NRF1: variants seen among roughly 807,000 people sequenced by gnomAD.
The protein encoded by NRF1 is nuclear respiratory factor 1, also known as alpha palindromic-binding protein.
A neutral mutation model predicts 58.5 loss-of-function variants in NRF1; 5 were observed. The ratio of observed to expected loss-of-function variants is 0.09; its 90% CI spans 0.04 to 0.18. NRF1 has a LOEUF of 0.18. NRF1 is among the 10% of genes least tolerant of loss of function. The pLI, the probability that NRF1 is intolerant of heterozygous loss-of-function variation, is 1.00. For synonymous variants in NRF1, 224 were observed against 246.7 expected (o/e 0.91, Z 0.86); for missense variants, 288 against 657.7 (o/e 0.44, Z 6.15).
chr7:129,674,814 T>G (rs1446320475), intron 3 of NRF1, among the ~76,000 whole-genome samples: 1 of 152,212 alleles, frequency 6.6e-6, no homozygotes, highest in Non-Finnish European at 1.5e-5. Context: ...TGGTTGACGG[T>G]CTTGCCTCGA....
intron 5 of NRF1, among the ~76,000 whole-genome samples, chr7:129,692,218 C>T (rs1047504699): frequency 6.6e-6 from 1 of 152,186 alleles, no homozygotes; most frequent in African/African-American, 2.4e-5. Context: ...ATAGCCTATC[C>T]ACTGTGGTCT....
At chr7:129,677,201 C>T (rs919409988) in intron 3 of NRF1, among the ~76,000 whole-genome samples, 10 of 151,778 alleles carry the variant, frequency 6.6e-5, no homozygotes, top group African/African-American at 9.7e-5. Context: ...TTAGTAGAGA[C>T]GGGTTTTACA....
rs1288383017 is a variant in NRF1 at position 129,739,537 on chromosome 7, C to CT, written c.1348+12176dup. Reference sequence around the variant, plus strand: ...TCAGCTCATAAACAGCATGGCTTTGCTTTTAAAAAAAAAAAAAAAATCTAC... The same window carrying CT: ...TCAGCTCATAAACAGCATGGCTTTGCTTTTTAAAAAAAAAAAAAAAATCTAC... On this transcript the variant is annotated intron_variant, in intron 10 of 10. Coordinates refer to ENST00000393232, the MANE Select transcript of NRF1 (RefSeq NM_005011.5). Among the ~76,000 whole-genome samples the CT allele has an allele frequency of 2.5e-4, 33 of 131,068 alleles. No individual in the cohort carries two copies. The East Asian group carries it at 3.5e-3, about 14-fold the overall frequency. The allele number at this position is 131,068 out of a possible 152,430, so 86.0% of individuals were successfully genotyped here. A position where few individuals can be genotyped will look rare whatever the true frequency, so the allele number is the denominator to read the frequency against.
rs1476989689 is a variant in NRF1 at position 129,673,610 on chromosome 7, G to A, written c.338+2067G>A. ...CGGGCGCCTGTAGTCCCAGCTACTC[G>A]GGAGGCTGAGGCAGGAGAATGGCGT... On this transcript the variant is annotated intron_variant, in intron 3 of 10. Coordinates refer to ENST00000393232, the MANE Select transcript of NRF1 (RefSeq NM_005011.5). Among the ~76,000 whole-genome samples the A allele has an allele frequency of 3.3e-5, 5 of 151,502 alleles. No homozygotes were observed. The South Asian group carries it at 1.0e-3, about 32-fold the overall frequency.
rs1804256941 is a variant in NRF1, at chr7:129,756,444, T to TCCTGGG, written c.*1263_*1264insCCTGGG. On this transcript the variant is annotated 3_prime_UTR_variant, in exon 11 of 11. Coordinates refer to ENST00000393232, the MANE Select transcript of NRF1 (RefSeq NM_005011.5). ...TTCAGAAGGGACTCCTGGAGGCCCA[T>TCCTGGG]GTTCCTTGATGCAACCTCGTGGCCC... 6.6e-6 allele frequency: 1 copy of TCCTGGG among 152,438 alleles called. No individual in the cohort carries two copies. The highest frequency in any genetic ancestry group is 1.5e-5 in the Non-Finnish European group (1 of 68,094). 9.4% of individuals were successfully genotyped at this position (152,438 alleles called of 1,614,324 possible). A position where few individuals can be genotyped will look rare whatever the true frequency, so the allele number is the denominator to read the frequency against.
At chr7:129,710,206 A>C (rs1562978632) in intron 6 of NRF1, among the ~76,000 whole-genome samples, 168 bp from the exon 7 acceptor site, 1 of 152,196 alleles carries the variant, frequency 6.6e-6, no homozygotes, top group African/African-American at 2.4e-5. Context: ...TACTTCGTAC[A>C]CAGCTTCTTT....
At chr7:129,722,011 C>T (rs574608702) in intron 9 of NRF1, among the ~76,000 whole-genome samples, 2 of 152,254 alleles carry the variant, frequency 1.3e-5, no homozygotes, top group East Asian at 3.9e-4. Context: ...TTATTTATAG[C>T]TTTGGTTTTG....
intron 9 of NRF1, among the ~76,000 whole-genome samples, chr7:129,722,877 G>A (rs543542258): frequency 6.6e-6 from 1 of 152,116 alleles, no homozygotes; most frequent in South Asian, 2.1e-4. Context: ...TGAGATTATT[G>A]TAAATTGTAA....
intron 10 of NRF1, among the ~76,000 whole-genome samples, chr7:129,730,094 G>A (rs1803543278): frequency 6.6e-6 from 1 of 152,208 alleles, no homozygotes. Context: ...CAAAGTACTG[G>A]GAATACAGGC....
At chr7:129,621,641 A>G (rs926327417) in intron 1 of NRF1, among the ~76,000 whole-genome samples, 1 of 152,192 alleles carries the variant, frequency 6.6e-6, no homozygotes, top group Non-Finnish European at 1.5e-5. Context: ...CTCTTACCCC[A>G]AAACTAGCTG....
chr7:129,682,749 C>A (rs1166373612), intron 4 of NRF1, among the ~76,000 whole-genome samples: 1 of 151,280 alleles, frequency 6.6e-6, no homozygotes, highest in African/African-American at 2.4e-5. Flanking sequence ...ATGCAGTGAA[C>A]TATGATTATT....
At chr7:129,691,794 C>T (rs987774552) in intron 5 of NRF1, among the ~76,000 whole-genome samples, 1 of 152,192 alleles carries the variant, frequency 6.6e-6, no homozygotes, top group Non-Finnish European at 1.5e-5. Context: ...CTTGACCACA[C>T]CCTCTTCTGA....
At chr7:129,653,078 A>C (rs1300818224) in intron 1 of NRF1, among the ~76,000 whole-genome samples, 1 of 152,200 alleles carries the variant, frequency 6.6e-6, no homozygotes, top group Non-Finnish European at 1.5e-5. Flanking sequence ...GCAGAACTGA[A>C]ACTCTGTACT....
intron 10 of NRF1, among the ~76,000 whole-genome samples, chr7:129,753,089 A>G (rs1804161649): frequency 6.6e-6 from 1 of 152,282 alleles, no homozygotes; most frequent in African/African-American, 2.4e-5. Flanking sequence ...TACTCTTAGA[A>G]AAAAGTTACA....
intron 10 of NRF1, chr7:129,735,402 C>T (rs1385517234): frequency 3.6e-5 from 7 of 194,240 alleles, no homozygotes; most frequent in Non-Finnish European, 4.7e-5. Context: ...TGGTGGCACA[C>T]GCCTGTAGTC....
intron 1 of NRF1, among the ~76,000 whole-genome samples, chr7:129,621,975 G>C (rs1800807383): frequency 6.6e-6 from 1 of 151,830 alleles, no homozygotes; most frequent in Non-Finnish European, 1.5e-5. Context: ...TAGAGACAGG[G>C]TTTCACCATG....
At chr7:129,657,880 G>A (rs560158476) in intron 2 of NRF1, among the ~76,000 whole-genome samples, 1 of 152,228 alleles carries the variant, frequency 6.6e-6, no homozygotes, top group South Asian at 2.1e-4. Flanking sequence ...TAAATTATTG[G>A]CATTACGGGT....
intron 8 of NRF1, 117 bp from the exon 9 acceptor site, chr7:129,717,102 T>G: frequency 5.3e-6 from 5 of 944,356 alleles, no homozygotes; most frequent in Non-Finnish European, 7.8e-6. Context: ...TTGCAGGTCA[T>G]GTTAATTTTA....
chr7:129,724,814 A>C (rs376916276), intron 9 of NRF1, among the ~76,000 whole-genome samples: 5 of 152,246 alleles, frequency 3.3e-5, no homozygotes, highest in Admixed American at 3.3e-4. Flanking sequence ...AGTCAAAATC[A>C]CAGAGACAAA....
Sources: allele counts gnomAD v4.1 joint callset (sites outside exome capture counted in the v4.1 genomes callset), GRCh38; gene constraint gnomAD v4.1.1; transcripts MANE v1.5; gene names NCBI Gene and HGNC (gene_info 2026-07-23, HGNC 2026-07-21).